Variants in HMGCLL1 observed in about 807,000 individuals in gnomAD.
HMGCLL1 encodes the protein 3-hydroxymethyl-3-methylglutaryl-CoA lyase, cytoplasmic.
Under a neutral mutation model 39.1 loss-of-function variants are expected in HMGCLL1, and 36 were observed. That is an observed-to-expected ratio of 0.92 (90% CI 0.71 to 1.22). The LOEUF (loss-of-function observed/expected upper bound fraction) is 1.22. Among genes scored for constraint, HMGCLL1 ranks in the 50% most tolerant of loss-of-function variants. The probability of loss-of-function intolerance (pLI) is 0.00; values close to 1 mark genes in which losing one functional copy is unlikely to be tolerated. For synonymous variants in HMGCLL1, 149 were observed against 144.0 expected (o/e 1.03, Z -0.25); for missense variants, 451 against 416.5 (o/e 1.08, Z -0.72).
chr6:55,615,539 C>T, the HMGCLL1 span, among the ~76,000 whole-genome samples: 3 of 152,200 alleles, frequency 2.0e-5, no homozygotes, highest in Admixed American at 6.5e-5. Flanking sequence ...GTAATTAGGA[C>T]GGTTGGTAAG....
At chr6:55,630,137 G>A in the HMGCLL1 span, among the ~76,000 whole-genome samples, 3 of 152,270 alleles carry the variant, frequency 2.0e-5, no homozygotes, top group South Asian at 6.2e-4. Context: ...AAAGCATCTA[G>A]AAGGAGGAGT....
intron 1 of HMGCLL1, among the ~76,000 whole-genome samples, chr6:55,574,216 A>G (rs141139053): frequency 7.0e-4 from 107 of 152,160 alleles, no homozygotes; most frequent in African/African-American, 2.5e-3. Context: ...ACTAAAGAAA[A>G]TATTGAAACA....
At chr6:55,651,162 C>T in the HMGCLL1 span, among the ~76,000 whole-genome samples, 1 of 152,148 alleles carries the variant, frequency 6.6e-6, no homozygotes, top group Non-Finnish European at 1.5e-5. Flanking sequence ...TCCCCTAAAG[C>T]CAGCATGTGT....
intron 7 of HMGCLL1, among the ~76,000 whole-genome samples, chr6:55,485,853 A>G (rs1765998212): frequency 6.6e-6 from 1 of 151,858 alleles, no homozygotes; most frequent in Non-Finnish European, 1.5e-5. Flanking sequence ...TAGGCTGGAA[A>G]TAGCCTCTCT....
chr6:55,450,586 C>A (rs1252767654), intron 7 of HMGCLL1, among the ~76,000 whole-genome samples: 2 of 152,062 alleles, frequency 1.3e-5, no homozygotes, highest in Non-Finnish European at 2.9e-5. Context: ...GATGTGGAGG[C>A]AGACAGAGGA....
At chr6:55,495,359 T>C (rs1333480059) in intron 7 of HMGCLL1, 60 bp downstream of exon 7, 3 of 1,254,502 alleles carry the variant, frequency 2.4e-6, no homozygotes, top group African/African-American at 3.1e-5. Flanking sequence ...AGTATGTTTA[T>C]ATTACAGATA....
At chr6:55,454,605 T>C (rs1183807994) in intron 7 of HMGCLL1, among the ~76,000 whole-genome samples, 1 of 152,180 alleles carries the variant, frequency 6.6e-6, no homozygotes, top group Non-Finnish European at 1.5e-5. Flanking sequence ...GTTGGATGGA[T>C]CATGGTTTGG....
At chr6:55,587,316 T>G in the HMGCLL1 span, among the ~76,000 whole-genome samples, 38 of 152,204 alleles carry the variant, frequency 2.5e-4, no homozygotes, top group Admixed American at 2.3e-3. Context: ...ATGAATAGAT[T>G]GCAAAAATTT....
the HMGCLL1 span, among the ~76,000 whole-genome samples, chr6:55,592,290 C>T: frequency 6.6e-6 from 1 of 152,050 alleles, no homozygotes; most frequent in East Asian, 1.9e-4. Flanking sequence ...ATACTATTCT[C>T]TCAGAAACTT....
At chr6:55,643,299 ATGTTATTTTTTGAC>A in the HMGCLL1 span, among the ~76,000 whole-genome samples, 1 of 151,890 alleles carries the variant, frequency 6.6e-6, no homozygotes, top group Non-Finnish European at 1.5e-5. Context: ...CCTTGTCAAC[ATGTTATTTTTTGAC>A]TGTTCAATAA....
At chr6:55,546,615 C>A (rs1475218639) in intron 1 of HMGCLL1, among the ~76,000 whole-genome samples, 3 of 152,074 alleles carry the variant, frequency 2.0e-5, no homozygotes, top group African/African-American at 7.2e-5. Context: ...CTGGAAGCAA[C>A]TGTGAGGCAG....
chr6:55,463,964 C>T (rs193260906), intron 7 of HMGCLL1, among the ~76,000 whole-genome samples: 5 of 152,218 alleles, frequency 3.3e-5, no homozygotes, highest in East Asian at 1.9e-4. Flanking sequence ...AACCACCCAA[C>T]GCTTTAGACT....
In HMGCLL1 at chr6:55,495,455, G is replaced by A. The variant is rs149581955; in HGVS notation, c.759C>T (p.Tyr253=). ...TAAGGATATTTGCTAAGGCTTGTCCGTATGTGTCATGACAGTGAACAGCAA... is the reference window on the plus strand; with the variant it reads ...TAAGGATATTTGCTAAGGCTTGTCCATATGTGTCATGACAGTGAACAGCAA... ...GALAVHCHDT[Y]GQALANILTA... The change falls in exon 7 of 9, where the codon TAC becomes TAT. Residue 253 remains tyrosine, a synonymous_variant. Coordinates refer to ENST00000274901, the MANE Select transcript of HMGCLL1 (RefSeq NM_001042406.2). 952 of 1,613,898 alleles carry A rather than the reference G, an allele frequency of 5.9e-4. 5 individuals are homozygous for A. In the African/African-American group the frequency reaches 0.011, roughly 18 times the overall value.
chr6:55,650,584 C>A, the HMGCLL1 span, among the ~76,000 whole-genome samples: 1 of 152,000 alleles, frequency 6.6e-6, no homozygotes, highest in Non-Finnish European at 1.5e-5. Flanking sequence ...AGCTGGCCAG[C>A]ACCAAGTTAC....
intron 5 of HMGCLL1, among the ~76,000 whole-genome samples, chr6:55,511,194 C>T (rs1767439638): frequency 6.6e-6 from 1 of 151,926 alleles, no homozygotes; most frequent in African/African-American, 2.4e-5. Context: ...GAAAAATTAT[C>T]TAGATTTAAA....
chr6:55,484,819 T>C (rs1246047793), intron 7 of HMGCLL1, among the ~76,000 whole-genome samples: 1 of 152,132 alleles, frequency 6.6e-6, no homozygotes, highest in Non-Finnish European at 1.5e-5. Flanking sequence ...GTCTCCTAAT[T>C]CTTATTTGCC....
chr6:55,647,175 GT>G, the HMGCLL1 span, among the ~76,000 whole-genome samples: 27 of 151,824 alleles, frequency 1.8e-4, no homozygotes, highest in African/African-American at 6.3e-4. Context: ...TTTTTTTAAA[GT>G]TTTTTTCTTG....
At chr6:55,597,424 C>T in the HMGCLL1 span, among the ~76,000 whole-genome samples, 1 of 151,158 alleles carries the variant, frequency 6.6e-6, no homozygotes, top group African/African-American at 2.4e-5. Context: ...CAAGACAGTT[C>T]TAAGAATTAA....
At chr6:55,498,512 G>A (rs777165088) in intron 6 of HMGCLL1, among the ~76,000 whole-genome samples, 9 of 151,978 alleles carry the variant, frequency 5.9e-5, no homozygotes, top group South Asian at 2.1e-4. Flanking sequence ...TTATAAGGCC[G>A]TCTTCACTGC....
Sources: allele counts gnomAD v4.1 joint callset (sites outside exome capture counted in the v4.1 genomes callset), GRCh38; gene constraint gnomAD v4.1.1; transcripts MANE v1.5; gene names NCBI Gene and HGNC (gene_info 2026-07-23, HGNC 2026-07-21).